GNAI3: variants seen among roughly 807,000 people sequenced by gnomAD.
GNAI3 encodes the protein guanine nucleotide-binding protein G(i) subunit alpha-3.
GNAI3 carries 12 observed loss-of-function variants against 41.8 expected under a neutral mutation model. The observed-to-expected ratio is 0.29, with a 90% CI of 0.18 to 0.47. GNAI3 has a LOEUF of 0.47. Ranked by LOEUF, GNAI3 falls within the 20% of genes least tolerant of loss-of-function variation. The pLI is 1.00. For synonymous variants in GNAI3, 132 were observed against 146.5 expected, an observed-to-expected ratio of 0.90 and a Z score of 0.71; for missense variants, 360 against 429.6, an observed-to-expected ratio of 0.84 and a Z score of 1.43.
At chr1:109,562,425 GTA>G (rs1483404687) in intron 1 of GNAI3, among the ~76,000 whole-genome samples, 1 of 152,154 alleles carries the variant, frequency 6.6e-6, no homozygotes, top group Non-Finnish European at 1.5e-5. Context: ...GGATACCAAG[GTA>G]TGTGTGTGTG....
chr1:109,555,967 T>TGCCTGCGTGCGTGC (rs1553222507), intron 1 of GNAI3, among the ~76,000 whole-genome samples: 1 of 86,660 alleles, frequency 1.2e-5, no homozygotes, highest in Non-Finnish European at 2.3e-5. Flanking sequence ...TGCGTGCGTG[T>TGCCTGCGTGCGTGC]GTGTGTGTGT....
At chr1:109,572,045 C>T (rs1331455284) in intron 1 of GNAI3, among the ~76,000 whole-genome samples, 1 of 152,110 alleles carries the variant, frequency 6.6e-6, no homozygotes, top group African/African-American at 2.4e-5. Flanking sequence ...CGGTGGCTTT[C>T]GCCTGTAATA....
Position 109,593,698 on chromosome 1 carries a change from G to A in GNAI3, c.*1376G>A, listed in dbSNP as rs1649225401. The A allele has an allele frequency of 6.8e-6, 1 of 146,706 alleles. No individual in the cohort carries two copies. The highest frequency in any genetic ancestry group is 6.8e-5 in the Admixed American group (1 of 14,698). 9.1% of individuals were successfully genotyped at this position (146,706 alleles called of 1,614,324 possible). A position where few individuals can be genotyped will look rare whatever the true frequency, so the allele number is the denominator to read the frequency against. On this transcript the variant is annotated 3_prime_UTR_variant, in exon 9 of 9. Coordinates refer to ENST00000369851, the MANE Select transcript of GNAI3 (RefSeq NM_006496.4). ...GGTTTTATGTTATATCTGCATATGA[G>A]TGATATGTGATCATGATTCATTTTG...
At chr1:109,555,967 T>C (rs12059334) in intron 1 of GNAI3, among the ~76,000 whole-genome samples, 225 of 86,688 alleles carry the variant, frequency 2.6e-3, no homozygotes, top group Non-Finnish European at 3.3e-3. Context: ...TGCGTGCGTG[T>C]GTGTGTGTGT....
rs757889421 is a variant in GNAI3, at chr1:109,595,085, A to ATT, written c.*2765_*2766dup. The ATT allele has an allele frequency of 1.3e-5, 2 of 152,232 alleles. No individual in the cohort carries two copies. Among genetic ancestry groups the ATT allele is most frequent in the Non-Finnish European group, 2.9e-5 (2 of 68,044 alleles). The allele number at this position is 152,232 out of a possible 1,614,324, so 9.4% of individuals were successfully genotyped here. On this transcript the variant is annotated 3_prime_UTR_variant, in exon 9 of 9. Transcript: ENST00000369851. ...TACTAGCCTGAAAAAAAACTTTGGC[A>ATT]TTTGTAATCAAAGAAGCTGAAAGTT...
rs1649184117 is a variant in GNAI3, at chr1:109,592,029, G to T, written c.875-14G>T. On this transcript the variant is annotated splice_polypyrimidine_tract_variant and intron_variant, in intron 7 of 8. Coordinates refer to ENST00000369851, the MANE Select transcript of GNAI3 (RefSeq NM_006496.4). ...GTTACAATTTGAACTGAGAGTACTG[G>T]GTGTCCGTTTTAGGTTCCAATACAT... 1 of 1,573,414 alleles carries T rather than the reference G, an allele frequency of 6.4e-7. No individual in the cohort carries two copies. Among genetic ancestry groups the T allele is most frequent in the African/African-American group, 1.4e-5 (1 of 73,932 alleles).
chr1:109,584,686 A>G (rs1048514493), intron 5 of GNAI3, among the ~76,000 whole-genome samples: 1 of 152,236 alleles, frequency 6.6e-6, no homozygotes, highest in African/African-American at 2.4e-5. Flanking sequence ...GCATTGTGTA[A>G]TTGCTTACTT....
intron 5 of GNAI3, among the ~76,000 whole-genome samples, chr1:109,585,321 CAG>C (rs1649008752): frequency 6.6e-6 from 1 of 152,102 alleles, no homozygotes; most frequent in Non-Finnish European, 1.5e-5. Flanking sequence ...GCAGTTGACT[CAG>C]AATACCAAGT....
chr1:109,554,806 T>G (rs1648098307), intron 1 of GNAI3, among the ~76,000 whole-genome samples: 1 of 152,188 alleles, frequency 6.6e-6, no homozygotes, highest in African/African-American at 2.4e-5. Flanking sequence ...GAAGGGTTTT[T>G]CCAATGTTAT....
At chr1:109,554,649 C>T (rs1185901954) in intron 1 of GNAI3, among the ~76,000 whole-genome samples, 13 of 152,270 alleles carry the variant, frequency 8.5e-5, no homozygotes, top group South Asian at 2.1e-4. Context: ...GATTTTCTCC[C>T]ACTCTGGGTT....
chr1:109,595,554 A>T lies in GNAI3; in HGVS notation c.*3232A>T, dbSNP rs1649281638. 6.6e-6 allele frequency: 1 copy of T among 152,156 alleles called. No individual in the cohort carries two copies. Among genetic ancestry groups the T allele is most frequent in the African/African-American group, 2.4e-5 (1 of 41,420 alleles). 9.4% of individuals were successfully genotyped at this position (152,156 alleles called of 1,614,324 possible). The stretch of plus-strand genomic sequence containing the variant: ...TTGTATATACACATTAGACTATTTT[A>T]AAATAACAGCTGGTTTTTGTAATTC... On this transcript the variant is annotated 3_prime_UTR_variant, in exon 9 of 9. Coordinates refer to ENST00000369851, the MANE Select transcript of GNAI3 (RefSeq NM_006496.4).
chr1:109,563,284 G>C (rs1007588832), intron 1 of GNAI3, among the ~76,000 whole-genome samples: 1 of 152,220 alleles, frequency 6.6e-6, no homozygotes, highest in Non-Finnish European at 1.5e-5. Context: ...CAGAGGCTGA[G>C]GGGGAAGGAT....
intron 1 of GNAI3, among the ~76,000 whole-genome samples, chr1:109,561,443 T>C (rs900816532): frequency 6.6e-6 from 1 of 152,222 alleles, no homozygotes; most frequent in African/African-American, 2.4e-5. Context: ...TTAACTAAAC[T>C]TCACATTTTA....
At chr1:109,555,430 C>T (rs1648113379) in intron 1 of GNAI3, among the ~76,000 whole-genome samples, 2 of 152,024 alleles carry the variant, frequency 1.3e-5, no homozygotes, top group Non-Finnish European at 1.5e-5. Flanking sequence ...TGTGAAGTGG[C>T]GAAAGGACAC....
intron 1 of GNAI3, among the ~76,000 whole-genome samples, chr1:109,565,124 C>T (rs555486245): frequency 7.2e-5 from 11 of 151,810 alleles, no homozygotes; most frequent in Middle Eastern, 6.8e-3. Context: ...ATCGACCTGG[C>T]GTGGTGGCAG....
rs1363463376 is a variant in GNAI3 at position 109,593,964 on chromosome 1, T to G, written c.*1642T>G. 6.6e-6 allele frequency: 1 copy of G among 152,594 alleles called. No homozygotes were observed. The highest frequency in any genetic ancestry group is 6.5e-5 in the Admixed American group (1 of 15,270). The allele number at this position is 152,594 out of a possible 1,614,324, so 9.5% of individuals were successfully genotyped here. On this transcript the variant is annotated 3_prime_UTR_variant, in exon 9 of 9. Coordinates refer to ENST00000369851, the MANE Select transcript of GNAI3 (RefSeq NM_006496.4). ...TTTTCACTAGTTTACAAAAAAAAGG[T>G]TGGTGGTCAACAAAAAAAGCAAGTC...
At chr1:109,592,017 C>G in intron 7 of GNAI3, 26 bp from the exon 8 acceptor site, 1 of 1,510,474 alleles carries the variant, frequency 6.6e-7, no homozygotes, top group South Asian at 1.2e-5. Flanking sequence ...ACAATTTGAA[C>G]TGAGAGTACT....
At chr1:109,585,656 A>C (rs532391659) in intron 5 of GNAI3, among the ~76,000 whole-genome samples, 7 of 152,128 alleles carry the variant, frequency 4.6e-5, no homozygotes, top group Non-Finnish European at 1.0e-4. Flanking sequence ...TAGAGTGCCT[A>C]GGTTCAGATC....
At chr1:109,576,639 C>A (rs1648752823) in intron 3 of GNAI3, among the ~76,000 whole-genome samples, 1 of 152,164 alleles carries the variant, frequency 6.6e-6, no homozygotes, top group Non-Finnish European at 1.5e-5. Context: ...CTGCCTCAGC[C>A]TCCCGAGTAG....
Sources: allele counts gnomAD v4.1 joint callset (sites outside exome capture counted in the v4.1 genomes callset), GRCh38; gene constraint gnomAD v4.1.1; transcripts MANE v1.5; gene names NCBI Gene and HGNC (gene_info 2026-07-23, HGNC 2026-07-21).